The following IL4I1 variants were observed in gnomAD, a reference collection of about 807,000 sequenced individuals.
IL4I1 encodes L-amino-acid oxidase.
In IL4I1, 24 loss-of-function variants were observed where a neutral mutation model predicts 29.7. That is an observed-to-expected ratio of 0.81 (90% CI 0.59 to 1.14). IL4I1 has a LOEUF of 1.14. Among genes scored for constraint, IL4I1 ranks in the 50% most tolerant of loss-of-function variants. The pLI, the probability that IL4I1 is intolerant of heterozygous loss-of-function variation, is 0.00. For missense variants in IL4I1, 686 were observed against 785.6 expected, an observed-to-expected ratio of 0.87 and a Z score of 1.52; for synonymous variants, 371 against 352.5, an observed-to-expected ratio of 1.05 and a Z score of -0.59.
rs545955914 is a variant in IL4I1, at chr19:49,891,473, C to T, written c.568G>A (p.Ala190Thr). The change falls in exon 6 of 8, where the codon GCC becomes ACC. Residue 190 changes from alanine (A) to threonine (T), a missense_variant and splice_region_variant. Coordinates refer to ENST00000391826, the MANE Select transcript of IL4I1 (RefSeq NM_152899.2). ...CCCAGTGCCTTGAGGTCTTTGAGGG[C>T]CTGTTGTGGAAGAAGCAGACATGGT... is the stretch of plus-strand genomic sequence containing the variant. ...EDIYQMALNQ[A>T]LKDLKALGCR... The T allele has an allele frequency of 9.9e-6, 16 of 1,614,020 alleles. No homozygotes were observed. Among genetic ancestry groups the T allele is most frequent in the Middle Eastern group, 1.6e-4 (1 of 6,062 alleles).
chr19:49,909,870 G>C (rs1402776298), intron 2 of IL4I1: 1 of 1,549,354 alleles, frequency 6.5e-7, no homozygotes, highest in Admixed American at 1.7e-5. Context: ...GGTGTCTGCA[G>C]CCTTGGGAAG....
At chr19:49,890,928 T>TTCCCCCCCCCCC in intron 7 of IL4I1, 43 bp downstream of exon 7, 3 of 633,210 alleles carry the variant, frequency 4.7e-6, no homozygotes, top group South Asian at 4.8e-5. Context: ...TTTCCCTGAT[T>TTCCCCCCCCCCC]GCCCCCCGCC....
upstream of IL4I1, among the ~76,000 whole-genome samples, chr19:49,897,478 G>A (rs1242567772): frequency 1.3e-5 from 2 of 151,776 alleles, no homozygotes; most frequent in African/African-American, 4.8e-5. Context: ...GTCAAATGAC[G>A]TCTACAGACG....
At chr19:49,900,921 C>T (rs974571792), upstream of IL4I1, among the ~76,000 whole-genome samples, 1 of 152,230 alleles carries the variant, frequency 6.6e-6, no homozygotes, top group Admixed American at 6.5e-5. Flanking sequence ...CATGTCTATA[C>T]AGCAGCCAGA....
At chr19:49,922,721 A>C (rs1183133567) in intron 2 of IL4I1, among the ~76,000 whole-genome samples, 1 of 151,856 alleles carries the variant, frequency 6.6e-6, no homozygotes, top group African/African-American at 2.4e-5. Flanking sequence ...GAAAAAAAAA[A>C]AACTGGATTT....
chr19:49,912,429 A>C (rs191623077), intron 2 of IL4I1, among the ~76,000 whole-genome samples: 6 of 152,074 alleles, frequency 3.9e-5, no homozygotes, highest in African/African-American at 1.2e-4. Flanking sequence ...TCGGCCTCCC[A>C]AAGTGTTGGG....
At chr19:49,910,930 G>T (rs1188914942) in intron 2 of IL4I1, 1 of 152,162 alleles carries the variant, frequency 6.6e-6, no homozygotes, top group Admixed American at 6.5e-5. Flanking sequence ...TTGGGAAAGG[G>T]TTTTTTTCTG....
upstream of IL4I1, among the ~76,000 whole-genome samples, chr19:49,898,251 G>A (rs1419182680): frequency 2.0e-5 from 3 of 152,222 alleles, no homozygotes; most frequent in African/African-American, 7.2e-5. Flanking sequence ...AACCCAAGAG[G>A]TGGAGGTTGC....
chr19:49,926,846 A>T (rs1381331789), intron 2 of IL4I1, among the ~76,000 whole-genome samples: 2 of 140,992 alleles, frequency 1.4e-5, no homozygotes, highest in East Asian at 4.4e-4. Context: ...CAGCCCTAAG[A>T]AGTAGGTACT....
In IL4I1 at chr19:49,890,230, T is replaced by C; in HGVS notation, c.1144A>G (p.Met382Val). 2 of 1,557,090 alleles carry C rather than the reference T, an allele frequency of 1.3e-6. No homozygotes were observed. Among genetic ancestry groups the C allele is most frequent in the South Asian group, 1.2e-5 (1 of 85,334 alleles). Residue 382 changes from methionine to valine, a missense_variant, in exon 8 of 8, where the codon ATG (methionine) becomes GTG (valine). By Grantham distance (21) the Met-to-Val change is conservative. Coordinates refer to ENST00000391826, the MANE Select transcript of IL4I1 (RefSeq NM_152899.2). Reference sequence around the variant, plus strand: ...TCGCGCGGCGGCGGGTAGAAAATCATGCGCGACGGGCGATCGGTGTTTGAG... The same window carrying C: ...TCGCGCGGCGGCGGGTAGAAAATCACGCGCGACGGGCGATCGGTGTTTGAG... ...GHSNTDRPSRMIFYPPPREGA... is the reference protein window; with the variant it reads ...GHSNTDRPSRVIFYPPPREGA...
At chr19:49,901,750 TC>T, upstream of IL4I1, 1 of 1,472,296 alleles carries the variant, frequency 6.8e-7, no homozygotes, top group Non-Finnish European at 9.1e-7. Flanking sequence ...GGTGGCTTTG[TC>T]CTTGTTAGTG....
upstream of IL4I1, among the ~76,000 whole-genome samples, chr19:49,899,760 T>A (rs896598693): frequency 6.6e-6 from 1 of 152,132 alleles, no homozygotes; most frequent in Non-Finnish European, 1.5e-5. Context: ...TTTCACCGTG[T>A]TAGCCAGGAT....
Position 49,889,964 on chromosome 19 carries a change from C to G in IL4I1, c.1410G>C (p.Thr470=). ...CAAAGTAGATGCGGCCATAAGGGAC[C>G]GTCCAGTCATCCTTTTCGGTTTGCC... ...ALWQTEKDDW[T]VPYGRIYFAG... is the part of the protein sequence containing the mutation. The change falls in exon 8 of 8, where the codon ACG becomes ACC. Residue 470 remains threonine (T), a synonymous_variant. Coordinates refer to ENST00000391826, the MANE Select transcript of IL4I1 (RefSeq NM_152899.2). 1 of 1,585,050 alleles carries G rather than the reference C, an allele frequency of 6.3e-7. No homozygotes were observed. Among genetic ancestry groups the G allele is most frequent in the Non-Finnish European group, 8.6e-7 (1 of 1,166,074 alleles).
At chr19:49,918,346 C>T (rs1446736011) in intron 2 of IL4I1, among the ~76,000 whole-genome samples, 2 of 152,222 alleles carry the variant, frequency 1.3e-5, no homozygotes, top group East Asian at 1.9e-4. Context: ...ATTACAGGCA[C>T]GAGCCACCAC....
chr19:49,924,153 C>T (rs192420259), intron 2 of IL4I1, among the ~76,000 whole-genome samples: 14 of 152,304 alleles, frequency 9.2e-5, no homozygotes, highest in Non-Finnish European at 1.8e-4. Flanking sequence ...CCATGGGCCT[C>T]GGGGCCCTGG....
chr19:49,921,417 T>G lies in IL4I1; in HGVS notation c.-228+6277A>C, dbSNP rs888196028. Among the ~76,000 whole-genome samples, 3 of 152,130 alleles carry G rather than the reference T, an allele frequency of 2.0e-5. No individual in the cohort carries two copies. On this transcript the variant is annotated intron_variant, in intron 2 of 9. Transcript: ENST00000341114. This position sits in a 1 kb window ranked among gnomAD's most constrained non-coding sequence, Gnocchi z 5.4. ...CCCTTCCCATTCTCCAGAGACTTCC[T>G]GGGCCATCTCCATGACCTTCCAGAC...
rs1398121006 is a variant in IL4I1, at chr19:49,921,668, G to T, written c.-228+6026C>A. Reference sequence around the variant, plus strand: ...GCTGACCTCAAAACTCTCCATGGGGGGTACCCCTCTGCCCATTGAGGGGGC... The same window carrying T: ...GCTGACCTCAAAACTCTCCATGGGGTGTACCCCTCTGCCCATTGAGGGGGC... On this transcript the variant is annotated intron_variant, in intron 2 of 9. Coordinates refer to the IL4I1 transcript ENST00000341114. This position sits in a 1 kb window ranked among gnomAD's most constrained non-coding sequence, Gnocchi z 5.4. Among the ~76,000 whole-genome samples, 1 of 152,182 alleles carries T rather than the reference G, an allele frequency of 6.6e-6. No individual in the cohort carries two copies. The highest frequency in any genetic ancestry group is 1.5e-5 in the Non-Finnish European group (1 of 68,024).
chr19:49,895,827 A>G lies in IL4I1; in HGVS notation c.240T>C (p.Asp80=), dbSNP rs768723278. 13 of 1,611,194 alleles carry G rather than the reference A, an allele frequency of 8.1e-6. No individual in the cohort carries two copies. In the African/African-American group the frequency reaches 1.7e-4, roughly 22 times the overall value. The part of the protein sequence containing the change: ...AGLVAAKVLS[D]AGHKVTILEA... ...CAGTGCTTCCCACCTTGTGTCCAGCATCGCTGAGCACCTTGGCGGCCACCA... is the reference window on the plus strand; with the variant it reads ...CAGTGCTTCCCACCTTGTGTCCAGCGTCGCTGAGCACCTTGGCGGCCACCA... Residue 80 remains aspartate (D), a synonymous_variant, in exon 3 of 8, where the codon GAT becomes GAC. Transcript: ENST00000391826.
rs1272574148 is a variant in IL4I1, at chr19:49,909,624, G to T, written c.-227-5303C>A. ...TGTGTGGCCGGAGTCTGGGTGGCAA[G>T]TGAGAACAGGCCGGTGGAAGGGGTA... On this transcript the variant is annotated intron_variant, in intron 2 of 9. Coordinates refer to the IL4I1 transcript ENST00000341114. 15 of 1,614,228 alleles carry T rather than the reference G, an allele frequency of 9.3e-6. No homozygotes were observed. Among genetic ancestry groups the T allele is most frequent in the Non-Finnish European group, 1.3e-5 (15 of 1,180,050 alleles).
Sources: allele counts gnomAD v4.1 joint callset (sites outside exome capture counted in the v4.1 genomes callset), GRCh38; gene constraint gnomAD v4.1.1; non-coding constraint Gnocchi (gnomAD v3.1); transcripts MANE v1.5; gene names NCBI Gene and HGNC (gene_info 2026-07-23, HGNC 2026-07-21).